Variants in COG1 observed in about 807,000 individuals in gnomAD.
The protein encoded by COG1 is conserved oligomeric Golgi complex subunit 1.
In COG1, 61 loss-of-function variants were observed where a neutral mutation model predicts 102.2. The observed-to-expected ratio is 0.60, with a 90% confidence interval of 0.49 to 0.74. The LOEUF is 0.74. Among genes scored for constraint, COG1 ranks in the 30% least tolerant of loss-of-function variants. The pLI is 0.00. For synonymous variants in COG1, 454 were observed against 493.6 expected, an observed-to-expected ratio of 0.92 and a Z score of 1.06; for missense variants, 1,164 against 1,232.1, an observed-to-expected ratio of 0.94 and a Z score of 0.83.
chr17:73,207,504 G>T, intron 13 of COG1: 1 of 612,916 alleles, frequency 1.6e-6, no homozygotes, highest in South Asian at 1.8e-5. Flanking sequence ...TACAGGACAG[G>T]GTGGAGATGA....
intron 13 of COG1, 52 bp from the exon 14 acceptor site, chr17:73,208,262 G>A: frequency 6.2e-7 from 1 of 1,611,152 alleles, no homozygotes. Context: ...GGGCGAGTGG[G>A]CAGGAGGGCT....
intron 11 of COG1, 90 bp from the exon 12 acceptor site, chr17:73,206,618 G>A (rs1001529501): frequency 8.4e-6 from 7 of 832,226 alleles, no homozygotes; most frequent in Admixed American, 4.0e-5. Flanking sequence ...TTAGAAATAC[G>A]GTAGCGATGG....
At chr17:73,204,410 A>G (rs1041597919) in intron 9 of COG1, among the ~76,000 whole-genome samples, 22 of 151,500 alleles carry the variant, frequency 1.5e-4, no homozygotes, top group Admixed American at 2.6e-4. Flanking sequence ...GACTGTGGGG[A>G]GTTAGAGAGA....
rs2061309220 is a variant in COG1 at position 73,193,173 on chromosome 17, G to T, written c.104G>T (p.Arg35Leu). Residue 35 changes from arginine (R) to leucine (L), a missense_variant, in exon 1 of 14, where the codon CGC (arginine) becomes CTC (leucine). Arg to Leu is a moderately radical substitution (Grantham distance 102, BLOSUM62 -2). Transcript: ENST00000299886. ...GCGGAGGAGATCCGCGGGCTGGAGC[G>T]CCAGGTTCGGGCCGAGATCGAGCAC... ...HGAEEIRGLE[R>L]QVRAEIEHKK... 2 of 1,607,612 alleles carry T rather than the reference G, an allele frequency of 1.2e-6. No individual in the cohort carries two copies. Among genetic ancestry groups the T allele is most frequent in the South Asian group, 1.1e-5 (1 of 89,974 alleles).
chr17:73,206,463 A>C (rs2061372895), intron 11 of COG1, among the ~76,000 whole-genome samples: 1 of 152,146 alleles, frequency 6.6e-6, no homozygotes. Flanking sequence ...TGGCCCCTTA[A>C]GTTGTAAATA....
intron 4 of COG1, 117 bp from the exon 5 acceptor site, chr17:73,199,747 TC>T: frequency 8.2e-7 from 1 of 1,218,424 alleles, no homozygotes; most frequent in South Asian, 1.3e-5. Context: ...GCAAATTGTT[TC>T]TTTTTTGTAG....
rs772825947 is a variant in COG1, at chr17:73,200,642, C to T, written c.1147C>T (p.Arg383Trp). 6.2e-7 allele frequency: 1 copy of T among 1,614,170 alleles called. No individual in the cohort carries two copies. Among genetic ancestry groups the T allele is most frequent in the Non-Finnish European group, 8.5e-7 (1 of 1,180,044 alleles). ...GAGCATGAAGGGTCTCGCGGGAATC[C>T]GGGACGCCATGTGGGAGTTACTTAC... is the stretch of plus-strand genomic sequence containing the variant. ...VKSMKGLAGI[R>W]DAMWELLTNE... Residue 383 changes from arginine (R) to tryptophan (W), a missense_variant, in exon 6 of 14, where the codon CGG becomes TGG. Physicochemically the swap from Arg to Trp is moderately radical, Grantham distance 101 (BLOSUM62 -3). Coordinates refer to ENST00000299886, the MANE Select transcript of COG1 (RefSeq NM_018714.3).
In COG1 at chr17:73,201,840, A is replaced by G. The variant is rs2061348322; in HGVS notation, c.2013A>G (p.Lys671=). Residue 671 remains lysine (K), a synonymous_variant, in exon 7 of 14, where the codon AAA becomes AAG. Transcript: ENST00000299886. ...IPTQAKWQEV[K]EVLLQQSVMG... ...CACAGGCCAAGTGGCAAGAGGTTAAAGAAGTACTCCTCCAGCAGAGCGTGA... is the reference window on the plus strand; with the variant it reads ...CACAGGCCAAGTGGCAAGAGGTTAAGGAAGTACTCCTCCAGCAGAGCGTGA... 1.2e-6 allele frequency: 2 copies of G among 1,614,236 alleles called. No individual in the cohort carries two copies. The highest frequency in any genetic ancestry group is 4.5e-5 in the East Asian group (2 of 44,878).
At position 73,193,100 on chromosome 17, in the gene COG1, A is replaced by G; in HGVS notation, c.31A>G (p.Lys11Glu). The change falls in exon 1 of 14, where the codon AAG becomes GAG. Residue 11 changes from lysine (K) to glutamate (E), a missense_variant. Transcript: ENST00000299886. ...CACCGCGGCAACCTCACCCGCGCTG[A>G]AGCGGCTGGATCTGCGCGACCCTGC... MATAATSPAL[K>E]RLDLRDPAAL... 1 of 1,611,302 alleles carries G rather than the reference A, an allele frequency of 6.2e-7. No homozygotes were observed. The highest frequency in any genetic ancestry group is 2.2e-5 in the East Asian group (1 of 44,740).
chr17:73,198,225 TGA>T (rs2061333190), intron 4 of COG1, among the ~76,000 whole-genome samples: 1 of 152,120 alleles, frequency 6.6e-6, no homozygotes, highest in African/African-American at 2.4e-5. Flanking sequence ...GAGGATTTGG[TGA>T]CAGATTGGCT....
Position 73,197,201 on chromosome 17 carries a change from CAA to C in COG1, c.743-23_743-22del, listed in dbSNP as rs1206811621. On this transcript the variant is annotated intron_variant, in intron 3 of 13. Coordinates refer to ENST00000299886, the MANE Select transcript of COG1 (RefSeq NM_018714.3). ...TTCACTTTGGGAAAGGTAATTGTTT[CAA>C]AGAGGATGGTTTCTTCTTTTAGGTG... 3 of 1,614,138 alleles carry C rather than the reference CAA, an allele frequency of 1.9e-6. No individual in the cohort carries two copies. The South Asian group carries it at 3.3e-5, about 18-fold the overall frequency.
chr17:73,197,551 T>C (rs1012906656), intron 4 of COG1, among the ~76,000 whole-genome samples, 155 bp downstream of exon 4: 6 of 152,204 alleles, frequency 3.9e-5, no homozygotes, highest in African/African-American at 1.2e-4. Flanking sequence ...AGTTGAGTGG[T>C]AGAAGCAGGT....
intron 1 of COG1, among the ~76,000 whole-genome samples, chr17:73,194,498 C>G (rs1186082140): frequency 7.0e-6 from 1 of 143,160 alleles, no homozygotes; most frequent in East Asian, 2.1e-4. Flanking sequence ...GGATCTCGCT[C>G]TGTCACCCAG....
At position 73,201,414 on chromosome 17, in the gene COG1, AGAT is replaced by A. The variant is rs1166914688; in HGVS notation, c.1590_1592del (p.Asp531del). 2.5e-6 allele frequency: 4 copies of A among 1,614,238 alleles called. No individual in the cohort carries two copies. The highest frequency in any genetic ancestry group is 3.4e-6 in the Non-Finnish European group (4 of 1,180,048). On this transcript the variant is annotated inframe_deletion, in exon 7 of 14. Transcript: ENST00000299886. Reference sequence around the variant, plus strand: ...TGGATTCTAAGCTGAAGGTTAAACTAGATGACCTCCTGGCTTACCTCCCCTCTG... The same window carrying A: ...TGGATTCTAAGCTGAAGGTTAAACTAGACCTCCTGGCTTACCTCCCCTCTG...
At chr17:73,195,248 A>G (rs2061320873) in intron 1 of COG1, among the ~76,000 whole-genome samples, 1 of 152,230 alleles carries the variant, frequency 6.6e-6, no homozygotes, top group African/African-American at 2.4e-5. Context: ...GAAGTCCCCC[A>G]ATTCCTGCTC....
chr17:73,205,895 TTC>T (rs1388984585), intron 10 of COG1: 32 of 710,572 alleles, frequency 4.5e-5, no homozygotes, highest in Non-Finnish European at 7.0e-5. Context: ...TTCCCCTCTC[TTC>T]TGAGTCAGCC....
intron 9 of COG1, 36 bp downstream of exon 9, chr17:73,203,829 ATT>A (rs764183327): frequency 1.2e-6 from 2 of 1,612,296 alleles, no homozygotes; most frequent in African/African-American, 2.7e-5. Context: ...AAAAACACAA[ATT>A]AAACAAAAGA....
Position 73,201,784 on chromosome 17 carries a change from G to A in COG1, c.1957G>A (p.Gly653Arg), listed in dbSNP as rs2061348129. The change falls in exon 7 of 14, where the codon GGA becomes AGA. Residue 653 changes from glycine to arginine, a missense_variant. Physicochemically the swap from Gly to Arg is moderately radical, Grantham distance 125 (BLOSUM62 -2). Coordinates refer to ENST00000299886, the MANE Select transcript of COG1 (RefSeq NM_018714.3). ...GGAGTTTAGGGCTCTGAGAAAACAG[G>A]GAAAGGTGAAAACTCAGGAAATCAT... ...AREFRALRKQGKVKTQEIIPT... is the reference protein window; with the variant it reads ...AREFRALRKQRKVKTQEIIPT... The A allele has an allele frequency of 6.2e-7, 1 of 1,614,168 alleles. No homozygotes were observed. The highest frequency in any genetic ancestry group is 1.1e-5 in the South Asian group (1 of 91,080).
chr17:73,196,860 G>T (rs774427745), intron 2 of COG1, 40 bp from the exon 3 acceptor site: 2 of 1,613,968 alleles, frequency 1.2e-6, no homozygotes, highest in Non-Finnish European at 8.5e-7. Flanking sequence ...TACCCAAGAT[G>T]TGAAAAACAC....
Sources: allele counts gnomAD v4.1 joint callset (sites outside exome capture counted in the v4.1 genomes callset), GRCh38; gene constraint gnomAD v4.1.1; transcripts MANE v1.5; gene names NCBI Gene and HGNC (gene_info 2026-07-23, HGNC 2026-07-21).